Variants in ELMO1 observed in about 807,000 individuals in gnomAD.
ELMO1 encodes the protein engulfment and cell motility 1, also known as engulfment and cell motility protein 1.
In ELMO1, 26 loss-of-function variants were observed where a neutral mutation model predicts 98.9. That is an observed-to-expected ratio of 0.26 (90% CI 0.19 to 0.36). ELMO1 has a LOEUF of 0.36. Ranked by LOEUF, ELMO1 falls within the 10% of genes least tolerant of loss-of-function variation. The pLI, the probability that ELMO1 is intolerant of heterozygous loss-of-function variation, is 1.00. For synonymous variants in ELMO1, 346 were observed against 346.0 expected, an observed-to-expected ratio of 1.00 and a Z score of 0.00; for missense variants, 627 against 935.2, an observed-to-expected ratio of 0.67 and a Z score of 4.30.
chr7:37,162,941 G>C (rs986089158), intron 13 of ELMO1, among the ~76,000 whole-genome samples: 2 of 152,130 alleles, frequency 1.3e-5, no homozygotes, highest in African/African-American at 4.8e-5. Flanking sequence ...AGTTAAAGAA[G>C]TTCTCCTGAA....
At chr7:36,945,271 C>A (rs966057493) in intron 16 of ELMO1, among the ~76,000 whole-genome samples, 1 of 152,194 alleles carries the variant, frequency 6.6e-6, no homozygotes, top group Non-Finnish European at 1.5e-5. Context: ...TAGGTACCTT[C>A]TAGAATCCTC....
intron 19 of ELMO1, among the ~76,000 whole-genome samples, chr7:36,872,633 A>G (rs990474889): frequency 6.6e-6 from 1 of 152,028 alleles, no homozygotes; most frequent in Non-Finnish European, 1.5e-5. Flanking sequence ...GTTCTCCTCA[A>G]ATCCCTTTTC....
At chr7:37,432,954 TG>T (rs1804991570) in intron 1 of ELMO1, among the ~76,000 whole-genome samples, 1 of 152,248 alleles carries the variant, frequency 6.6e-6, no homozygotes, top group South Asian at 2.1e-4. Flanking sequence ...GACAAAATGT[TG>T]GTTTCTTCTT....
intron 15 of ELMO1, among the ~76,000 whole-genome samples, chr7:37,084,136 T>C (rs556015549): frequency 2.6e-5 from 4 of 152,308 alleles, no homozygotes; most frequent in African/African-American, 9.6e-5. Flanking sequence ...AATTCAAATT[T>C]GGACTCAGTG....
intron 15 of ELMO1, among the ~76,000 whole-genome samples, chr7:37,067,736 C>CTT (rs542773980): frequency 6.8e-6 from 1 of 148,090 alleles, no homozygotes; most frequent in Admixed American, 6.8e-5. Flanking sequence ...CATAATCTTT[C>CTT]TTTTTTTTTT....
At chr7:37,439,831 G>T (rs1343375322) in intron 1 of ELMO1, among the ~76,000 whole-genome samples, 1 of 152,176 alleles carries the variant, frequency 6.6e-6, no homozygotes, top group African/African-American at 2.4e-5. Flanking sequence ...AGAGATGATG[G>T]AAACATATTC....
intron 16 of ELMO1, among the ~76,000 whole-genome samples, chr7:36,967,896 A>G (rs1789584155): frequency 6.6e-6 from 1 of 152,214 alleles, no homozygotes; most frequent in African/African-American, 2.4e-5. Flanking sequence ...TCAATATATT[A>G]TGCAGGCATG....
chr7:37,409,951 C>T (rs1467810716), intron 1 of ELMO1, among the ~76,000 whole-genome samples: 1 of 152,140 alleles, frequency 6.6e-6, no homozygotes, highest in Admixed American at 6.5e-5. Flanking sequence ...TCATTATAAT[C>T]CCCATTTTGC....
chr7:37,294,434 C>G (rs1017565388), intron 4 of ELMO1, among the ~76,000 whole-genome samples: 1 of 151,490 alleles, frequency 6.6e-6, no homozygotes, highest in African/African-American at 2.4e-5. Context: ...TGCAAACAAG[C>G]ACTGGTCAGG....
intron 13 of ELMO1, among the ~76,000 whole-genome samples, chr7:37,181,544 T>C (rs1184715865): frequency 6.6e-6 from 1 of 152,180 alleles, no homozygotes. Context: ...CCAATTTATA[T>C]GAAACTGAAC....
chr7:37,375,719 A>T, intron 1 of ELMO1: 1 of 1,251,108 alleles, frequency 8.0e-7, no homozygotes, highest in Non-Finnish European at 1.2e-6. Flanking sequence ...GCCTGGAGAC[A>T]CTTCTACTGG....
At chr7:36,882,899 G>A (rs976709567) in intron 18 of ELMO1, among the ~76,000 whole-genome samples, 2 of 152,194 alleles carry the variant, frequency 1.3e-5, no homozygotes, top group African/African-American at 2.4e-5. Context: ...CTATTGGGAA[G>A]TGCCTTTTTT....
rs191579614 is a variant in ELMO1, at chr7:37,251,330, A to G, written c.414-6939T>C. ...TATTTGCTTTCACTCCTATGTTTCAAGCAGAAATTAGGAATGAAATTTCAA... is the reference window on the plus strand; with the variant it reads ...TATTTGCTTTCACTCCTATGTTTCAGGCAGAAATTAGGAATGAAATTTCAA... On this transcript the variant is annotated intron_variant, in intron 6 of 21. Transcript: ENST00000310758. Among the ~76,000 whole-genome samples the G allele has an allele frequency of 4.6e-5, 7 of 152,294 alleles. No individual in the cohort carries two copies. The East Asian group carries it at 1.2e-3, about 25-fold the overall frequency.
chr7:37,000,210 G>C (rs2129161142), intron 16 of ELMO1, among the ~76,000 whole-genome samples: 1 of 152,250 alleles, frequency 6.6e-6, no homozygotes, highest in Middle Eastern at 3.4e-3. Context: ...GTGATGCGTG[G>C]GTCTTTTCCT....
At chr7:37,031,252 A>G (rs1794864514) in intron 15 of ELMO1, among the ~76,000 whole-genome samples, 1 of 152,150 alleles carries the variant, frequency 6.6e-6, no homozygotes, top group Non-Finnish European at 1.5e-5. Flanking sequence ...AAAATCCTTC[A>G]GATAAAGTAA....
At chr7:37,224,736 C>T in intron 9 of ELMO1, 143 bp downstream of exon 9, 2 of 1,199,258 alleles carry the variant, frequency 1.7e-6, no homozygotes, top group East Asian at 4.8e-5. Flanking sequence ...TCCAGTGTGA[C>T]ACGTGGTTTG....
intron 1 of ELMO1, among the ~76,000 whole-genome samples, chr7:37,401,412 T>C (rs1803521752): frequency 6.6e-6 from 1 of 152,130 alleles, no homozygotes; most frequent in African/African-American, 2.4e-5. Context: ...CGAGGAAGGA[T>C]TTTCTGACTT....
intron 19 of ELMO1, among the ~76,000 whole-genome samples, chr7:36,877,378 A>G (rs1804067730): frequency 6.6e-6 from 1 of 152,180 alleles, no homozygotes; most frequent in East Asian, 1.9e-4. Context: ...AACACTGTCA[A>G]CCTGGCACCT....
intron 2 of ELMO1, among the ~76,000 whole-genome samples, chr7:37,322,044 G>A (rs918109474): frequency 1.3e-5 from 2 of 151,582 alleles, no homozygotes; most frequent in East Asian, 4.1e-4. Context: ...ATTTTTAGTA[G>A]AGACGGGGTT....
Sources: gnomAD v4.1 joint callset for allele counts (sites outside exome capture counted in the v4.1 genomes callset) on GRCh38, gnomAD v4.1.1 for gene constraint, MANE v1.5 for transcripts, NCBI Gene and HGNC (gene_info 2026-07-23, HGNC 2026-07-21) for gene names.